Variants in SYNE3 observed in about 807,000 individuals in gnomAD.
The protein encoded by SYNE3 is spectrin repeat containing nuclear envelope family member 3, also known as nesprin-3.
A neutral mutation model predicts 111.2 loss-of-function variants in SYNE3; 100 were observed. That is an observed-to-expected ratio of 0.90 (90% CI 0.77 to 1.06). SYNE3 has a LOEUF of 1.06. Ranked by LOEUF, SYNE3 falls within the 50% of genes least tolerant of loss-of-function variation. SYNE3 has a pLI of 0.00. For synonymous variants in SYNE3, 547 were observed against 533.9 expected (o/e 1.02, Z -0.34); for missense variants, 1,160 against 1,240.3 (o/e 0.94, Z 0.97).
At chr14:95,460,459 G>T (rs565012451) in intron 4 of SYNE3, among the ~76,000 whole-genome samples, 94 of 144,578 alleles carry the variant, frequency 6.5e-4, no homozygotes, top group African/African-American at 2.3e-3. Context: ...GACCTCAAAT[G>T]ATCCACCTGC....
At chr14:95,420,100 C>A (rs1885030466) in intron 17 of SYNE3, among the ~76,000 whole-genome samples, 1 of 150,682 alleles carries the variant, frequency 6.6e-6, no homozygotes, top group Admixed American at 6.6e-5. Context: ...TGTTCACTCA[C>A]CAAAGTCTTT....
chr14:95,515,995 C>T (rs1890909862), intron 1 of SYNE3: 1 of 152,330 alleles, frequency 6.6e-6, no homozygotes, highest in Non-Finnish European at 1.5e-5. Flanking sequence ...CCCTGCAAGC[C>T]ATCTCTGGCC....
chr14:95,507,911 G>A (rs1304958874), intron 1 of SYNE3, among the ~76,000 whole-genome samples: 1 of 152,224 alleles, frequency 6.6e-6, no homozygotes, highest in Admixed American at 6.5e-5. Flanking sequence ...CCTGGCTCTG[G>A]AAAACCTTTG....
At position 95,408,178 on chromosome 14, in the gene SYNE3, A is replaced by G. The variant is rs998287709; in HGVS notation, c.*9648T>C. 1.3e-5 allele frequency: 2 copies of G among 152,026 alleles called. No homozygotes were observed. Among genetic ancestry groups the G allele is most frequent in the Admixed American group, 6.6e-5 (1 of 15,264 alleles). 9.4% of individuals were successfully genotyped at this position (152,026 alleles called of 1,614,324 possible). A position where few individuals can be genotyped will look rare whatever the true frequency, so the allele number is the denominator to read the frequency against. Reference sequence around the variant, plus strand: ...AGGAGACATGGGGCCCTCCCATGGGACGGATGACAAATGAAACGAAAAAAT... The same window carrying G: ...AGGAGACATGGGGCCCTCCCATGGGGCGGATGACAAATGAAACGAAAAAAT... On this transcript the variant is annotated 3_prime_UTR_variant, in exon 18 of 18. Transcript: ENST00000682763.
In SYNE3 at chr14:95,408,891, G is replaced by C. The variant is rs115639017; in HGVS notation, c.*8935C>G. The stretch of plus-strand genomic sequence containing the variant: ...TGCCTGCCCCCGCAAGGGCTGGCCT[G>C]TCCGTGCTTTTCCAGTGGGAAGGTA... On this transcript the variant is annotated 3_prime_UTR_variant, in exon 18 of 18. Coordinates refer to ENST00000682763, the MANE Select transcript of SYNE3 (RefSeq NM_152592.6). 5.7e-6 allele frequency: 2 copies of C among 350,594 alleles called. No individual in the cohort carries two copies. The highest frequency in any genetic ancestry group is 7.5e-5 in the East Asian group (1 of 13,298). The allele number at this position is 350,594 out of a possible 1,614,324, so 21.7% of individuals were successfully genotyped here. A position where few individuals can be genotyped will look rare whatever the true frequency, so the allele number is the denominator to read the frequency against.
intron 4 of SYNE3, among the ~76,000 whole-genome samples, chr14:95,460,990 C>A (rs2139456618): frequency 1.3e-5 from 2 of 152,258 alleles, no homozygotes; most frequent in Non-Finnish European, 2.9e-5. Flanking sequence ...TCAGAGAGGA[C>A]CTCGGCAGGA....
intron 4 of SYNE3, among the ~76,000 whole-genome samples, chr14:95,459,694 T>C (rs1165015500): frequency 2.6e-5 from 4 of 152,170 alleles, no homozygotes; most frequent in Non-Finnish European, 5.9e-5. Flanking sequence ...AATCTAGAAA[T>C]ATGAATTCAT....
intron 17 of SYNE3, among the ~76,000 whole-genome samples, 176 bp downstream of exon 17, chr14:95,431,903 A>G (rs1187748): frequency 0.77 from 117,273 of 152,168 alleles, 45,979 homozygotes; most frequent in Middle Eastern, 0.85. Context: ...GGCTTCTTGA[A>G]ATCAAGAATC....
At position 95,460,092 on chromosome 14, in the gene SYNE3, A is replaced by G. The variant is rs557228852; in HGVS notation, c.628-2754T>C. 3.3e-5 allele frequency among the ~76,000 whole-genome samples: 5 copies of G among 152,258 alleles called. No homozygotes were observed. The East Asian group carries it at 5.8e-4, about 18-fold the overall frequency. On this transcript the variant is annotated intron_variant, in intron 4 of 17. Transcript: ENST00000682763. ...AGCCTACCTCACCTGACAGAACAAG[A>G]CCCTGTCTCAAAACAGCAACAACAA...
At chr14:95,461,500 G>A (rs912379396) in intron 4 of SYNE3, among the ~76,000 whole-genome samples, 3 of 152,210 alleles carry the variant, frequency 2.0e-5, no homozygotes, top group African/African-American at 7.2e-5. Context: ...TCTAGCAGGT[G>A]GTCACAGAGG....
chr14:95,480,756 C>T (rs1305452495), intron 1 of SYNE3, among the ~76,000 whole-genome samples: 2 of 147,448 alleles, frequency 1.4e-5, no homozygotes, highest in Non-Finnish European at 3.0e-5. Context: ...AAACGTGATG[C>T]AAACTGAAAA....
intron 2 of SYNE3, among the ~76,000 whole-genome samples, chr14:95,469,333 C>A (rs549663931): frequency 1.3e-5 from 2 of 152,066 alleles, no homozygotes; most frequent in African/African-American, 4.8e-5. Context: ...CTGGGTCTCC[C>A]TTTTTCATCC....
chr14:95,494,156 A>G (rs1229343164), intron 1 of SYNE3, among the ~76,000 whole-genome samples: 2 of 147,396 alleles, frequency 1.4e-5, no homozygotes, highest in African/African-American at 2.5e-5. Context: ...GAAAAAAAAA[A>G]GACCATTTGA....
intron 1 of SYNE3, among the ~76,000 whole-genome samples, chr14:95,487,967 G>T (rs1889632817): frequency 6.6e-6 from 1 of 151,960 alleles, no homozygotes; most frequent in South Asian, 2.1e-4. Flanking sequence ...CGATAAGGAT[G>T]AAGAACTTTA....
rs191300770 is a variant in SYNE3, at chr14:95,409,186, G to C, written c.*8640C>G. 2 of 456,596 alleles carry C rather than the reference G, an allele frequency of 4.4e-6. No homozygotes were observed. Among genetic ancestry groups the C allele is most frequent in the Non-Finnish European group, 8.8e-6 (2 of 226,970 alleles). The allele number at this position is 456,596 out of a possible 1,614,324, so 28.3% of individuals were successfully genotyped here. The stretch of plus-strand genomic sequence containing the variant: ...TGGGCTCGGAGCCAGTCATGCCTGG[G>C]TACAAGTCCCAAATTTACCACTCCC... On this transcript the variant is annotated 3_prime_UTR_variant, in exon 18 of 18. Coordinates refer to ENST00000682763, the MANE Select transcript of SYNE3 (RefSeq NM_152592.6).
chr14:95,445,758 C>T, intron 9 of SYNE3, 151 bp downstream of exon 9: 1 of 799,716 alleles, frequency 1.3e-6, no homozygotes, highest in Non-Finnish European at 2.0e-6. Flanking sequence ...CATGAGGAGG[C>T]TGAGATGGTC....
intron 11 of SYNE3, among the ~76,000 whole-genome samples, chr14:95,440,389 G>T (rs931206407): frequency 6.6e-6 from 1 of 152,234 alleles, no homozygotes; most frequent in African/African-American, 2.4e-5. Flanking sequence ...TGGAAACCAC[G>T]GGTCAGAATC....
chr14:95,421,114 G>A (rs560933160), intron 17 of SYNE3, among the ~76,000 whole-genome samples: 34 of 152,208 alleles, frequency 2.2e-4, no homozygotes, highest in African/African-American at 7.5e-4. Context: ...GGCCTCCCCA[G>A]CCACGTGGAA....
chr14:95,514,126 G>A (rs1392418367), intron 1 of SYNE3, among the ~76,000 whole-genome samples: 1 of 152,154 alleles, frequency 6.6e-6, no homozygotes, highest in Non-Finnish European at 1.5e-5. Context: ...TGAAAGGGGT[G>A]ACCAGGAACC....
Sources: allele counts gnomAD v4.1 joint callset (sites outside exome capture counted in the v4.1 genomes callset), GRCh38; gene constraint gnomAD v4.1.1; transcripts MANE v1.5; gene names NCBI Gene and HGNC (gene_info 2026-07-23, HGNC 2026-07-21).